The following FSIP2 variants were observed in gnomAD, a reference collection of about 807,000 sequenced individuals.
FSIP2 encodes the protein fibrous sheath-interacting protein 2.
In FSIP2, 367 loss-of-function variants were observed where a neutral mutation model predicts 510.5. The ratio of observed to expected loss-of-function variants is 0.72; its 90% CI spans 0.66 to 0.78. The LOEUF (loss-of-function observed/expected upper bound fraction) is 0.78, where lower values mean the gene tolerates loss of function less well. Ranked by LOEUF, FSIP2 falls within the 30% of genes least tolerant of loss-of-function variation. The pLI is 0.00. For synonymous variants in FSIP2, 2,601 were observed against 2,732.2 expected (o/e 0.95, Z 1.50); for missense variants, 7,594 against 7,901.7 (o/e 0.96, Z 1.48).
In FSIP2 at chr2:185,804,091, T is replaced by C. The variant is rs1574195616; in HGVS notation, c.14785T>C (p.Leu4929=). Reference sequence around the variant, plus strand: ...GGCAGCAGTTGATCAAACTTATAAATTGAAAGCAATAGATCCTAAACAAAG... The same window carrying C: ...GGCAGCAGTTGATCAAACTTATAAACTGAAAGCAATAGATCCTAAACAAAG... ...LLAAVDQTYK[L]KAIDPKQREL... is the part of the protein sequence containing the mutation. The change falls in exon 17 of 23, where the codon TTG becomes CTG. Residue 4929 remains leucine, a synonymous_variant. Transcript: ENST00000424728. 1 of 1,527,770 alleles carries C rather than the reference T, an allele frequency of 6.5e-7. No homozygotes were observed. The highest frequency in any genetic ancestry group is 1.4e-5 in the African/African-American group (1 of 72,704). 94.6% of individuals were successfully genotyped at this position (1,527,770 alleles called of 1,614,324 possible).
chr2:185,804,648 TC>T lies in FSIP2; in HGVS notation c.15343del (p.His5115IlefsTer4). The T allele has an allele frequency of 6.5e-7, 1 of 1,533,136 alleles. No homozygotes were observed. The highest frequency in any genetic ancestry group is 8.7e-7 in the Non-Finnish European group (1 of 1,144,850). The allele number at this position is 1,533,136 out of a possible 1,614,324, so 95.0% of individuals were successfully genotyped here. A position where few individuals can be genotyped will look rare whatever the true frequency, so the allele number is the denominator to read the frequency against. ...ALPPYITVLP[H>X]SLLEDMVYRL... The stretch of plus-strand genomic sequence containing the variant: ...TGCCACCATATATTACTGTGTTGCC[TC>T]ATTCTCTTTTAGAAGATATGGTTTA... On this transcript the variant is annotated frameshift_variant, in exon 17 of 23. Coordinates refer to ENST00000424728, the MANE Select transcript of FSIP2 (RefSeq NM_173651.4). LOFTEE classifies it high-confidence loss of function.
Position 185,808,703 on chromosome 2 carries a change from C to T in FSIP2, c.19397C>T (p.Pro6466Leu). ...SLIIDGVSSF[P>L]LDTINSTISN... ...ATTATTGATGGAGTTTCAAGTTTTC[C>T]ATTAGATACAATTAACTCAACAATT... Residue 6466 changes from proline to leucine, a missense_variant, in exon 17 of 23, where the codon CCA (proline) becomes CTA (leucine). Pro to Leu is a moderately conservative substitution (Grantham distance 98, BLOSUM62 -3). Transcript: ENST00000424728. The T allele has an allele frequency of 6.2e-7, 1 of 1,611,356 alleles. No individual in the cohort carries two copies. Among genetic ancestry groups the T allele is most frequent in the Non-Finnish European group, 8.5e-7 (1 of 1,178,572 alleles).
rs1693094872 is a variant in FSIP2, at chr2:185,790,492, A to C, written c.3356A>C (p.Lys1119Thr). 6.5e-7 allele frequency: 1 copy of C among 1,534,274 alleles called. No homozygotes were observed. Among genetic ancestry groups the C allele is most frequent in the Non-Finnish European group, 8.7e-7 (1 of 1,145,632 alleles). The part of the protein sequence containing the change: ...IVTSILKEML[K>T]DISSVPFGHL... ...ACAAGTATTTTAAAGGAAATGCTCAAGGACATATCTTCCGTTCCTTTTGGT... is the reference window on the plus strand; with the variant it reads ...ACAAGTATTTTAAAGGAAATGCTCACGGACATATCTTCCGTTCCTTTTGGT... The change falls in exon 16 of 23, where the codon AAG becomes ACG. Residue 1119 changes from lysine (K) to threonine (T), a missense_variant. Coordinates refer to ENST00000424728, the MANE Select transcript of FSIP2 (RefSeq NM_173651.4).
chr2:185,747,691 T>A (rs1692060864), intron 7 of FSIP2, among the ~76,000 whole-genome samples: 1 of 152,096 alleles, frequency 6.6e-6, no homozygotes. Context: ...AATGACTGAT[T>A]AACTTTTTTT....
intron 19 of FSIP2, among the ~76,000 whole-genome samples, chr2:185,821,563 A>G (rs1054348130): frequency 6.6e-6 from 1 of 151,928 alleles, no homozygotes; most frequent in Non-Finnish European, 1.5e-5. Flanking sequence ...TCAGTATATT[A>G]AAAGGTTTAT....
At position 185,793,335 on chromosome 2, in the gene FSIP2, G is replaced by C; in HGVS notation, c.6199G>C (p.Asp2067His). The C allele has an allele frequency of 3.9e-6, 6 of 1,534,018 alleles. No homozygotes were observed. Among genetic ancestry groups the C allele is most frequent in the Non-Finnish European group, 4.4e-6 (5 of 1,145,562 alleles). Residue 2067 changes from aspartate to histidine, a missense_variant, in exon 16 of 23, where the codon GAT becomes CAT. Transcript: ENST00000424728. The part of the protein sequence containing the change: ...KNSSDKEIDL[D>H]QQKGVIEKLL... ...CAGTTCTGACAAAGAGATCGATTTA[G>C]ATCAGCAAAAAGGTGTTATTGAAAA...
At chr2:185,809,834 A>C (rs1383027697) in intron 17 of FSIP2, among the ~76,000 whole-genome samples, 1 of 151,960 alleles carries the variant, frequency 6.6e-6, no homozygotes, top group Non-Finnish European at 1.5e-5. Flanking sequence ...CTGTAACCCC[A>C]TACTCAGCTC....
chr2:185,764,815 C>A (rs745956554), intron 13 of FSIP2: 8 of 382,692 alleles, frequency 2.1e-5, no homozygotes, highest in Non-Finnish European at 3.3e-5. Flanking sequence ...AATGCATAGA[C>A]CTATCTAGGG....
At chr2:185,767,371 T>C (rs1274109634) in intron 13 of FSIP2, among the ~76,000 whole-genome samples, 1 of 151,628 alleles carries the variant, frequency 6.6e-6, no homozygotes, top group Non-Finnish European at 1.5e-5. Context: ...CTCTTAGCAG[T>C]TTTTAATGAC....
At chr2:185,753,909 G>A (rs766059210) in intron 8 of FSIP2, 67 bp downstream of exon 8, 40 of 1,091,514 alleles carry the variant, frequency 3.7e-5, no homozygotes, top group Non-Finnish European at 4.3e-5. Flanking sequence ...AAAAATCCTT[G>A]TGTAATACTC....
chr2:185,738,546 AG>A, upstream of FSIP2: 3 of 1,459,720 alleles, frequency 2.1e-6, no homozygotes, highest in Middle Eastern at 3.5e-4. Context: ...CTTGGAAGCC[AG>A]GGGAAATTAA....
In FSIP2 at chr2:185,738,961, G is replaced by A. The variant is rs764175022; in HGVS notation, c.67G>A (p.Val23Ile). ...CGCCGTCACCAAGACGGTCGCCAGC[G>A]TCCTGGCCGCGGACACCCAGCAGTG... The part of the protein sequence containing the change: ...KVAVTKTVAS[V>I]LAADTQQCRD... The change falls in exon 1 of 23, where the codon GTC becomes ATC. Residue 23 changes from valine to isoleucine, a missense_variant. By Grantham distance (29) the Val-to-Ile change is conservative (BLOSUM62 3). Coordinates refer to ENST00000424728, the MANE Select transcript of FSIP2 (RefSeq NM_173651.4). 6 of 1,533,824 alleles carry A rather than the reference G, an allele frequency of 3.9e-6. No individual in the cohort carries two copies. The South Asian group carries it at 7.1e-5, about 18-fold the overall frequency.
intron 17 of FSIP2, among the ~76,000 whole-genome samples, chr2:185,811,407 T>G (rs574229224): frequency 6.7e-6 from 1 of 149,212 alleles, no homozygotes; most frequent in African/African-American, 2.5e-5. Context: ...AGGCAGAGGT[T>G]GCAGTGAGCC....
At chr2:185,759,491 ATAT>A (rs1417460481) in intron 9 of FSIP2, among the ~76,000 whole-genome samples, 4 of 145,224 alleles carry the variant, frequency 2.8e-5, no homozygotes, top group Non-Finnish European at 4.6e-5. Context: ...ACATATATTT[ATAT>A]TATATTATTT....
Position 185,745,455 on chromosome 2 carries a change from C to T in FSIP2, c.504C>T (p.Asn168=). Residue 168 remains asparagine (N), a synonymous_variant, in exon 5 of 23, where the codon AAC becomes AAT. Coordinates refer to ENST00000424728, the MANE Select transcript of FSIP2 (RefSeq NM_173651.4). ...GAATACTTGCAAAACAACTACATAACATACCGGAAAACAATCAAATCCCTC... is the reference window on the plus strand; with the variant it reads ...GAATACTTGCAAAACAACTACATAATATACCGGAAAACAATCAAATCCCTC... The part of the protein sequence containing the change: ...EQRILAKQLH[N]IPENNQIPQH... 5.2e-6 allele frequency: 8 copies of T among 1,533,532 alleles called. No individual in the cohort carries two copies. Among genetic ancestry groups the T allele is most frequent in the Non-Finnish European group, 7.0e-6 (8 of 1,144,874 alleles). The allele number at this position is 1,533,532 out of a possible 1,614,324, so 95.0% of individuals were successfully genotyped here.
Position 185,793,641 on chromosome 2 carries a change from T to C in FSIP2, c.6505T>C (p.Ser2169Pro). ...IVNIVLHNLS[S>P]AATLVINAKN... ...GAATATTGTTCTTCATAATCTCAGT[T>C]CTGCTGCCACGCTTGTCATAAATGC... Residue 2169 changes from serine to proline, a missense_variant, in exon 16 of 23, where the codon TCT becomes CCT. Coordinates refer to ENST00000424728, the MANE Select transcript of FSIP2 (RefSeq NM_173651.4). The C allele has an allele frequency of 6.5e-7, 1 of 1,534,628 alleles. No homozygotes were observed. Among genetic ancestry groups the C allele is most frequent in the Non-Finnish European group, 8.7e-7 (1 of 1,145,756 alleles).
chr2:185,768,918 A>G (rs977420676), intron 13 of FSIP2, among the ~76,000 whole-genome samples: 1 of 152,132 alleles, frequency 6.6e-6, no homozygotes, highest in Non-Finnish European at 1.5e-5. Flanking sequence ...TGCTAAGGAC[A>G]ATGGCCTCCA....
intron 10 of FSIP2, among the ~76,000 whole-genome samples, chr2:185,761,744 T>G (rs1182623900): frequency 2.6e-5 from 4 of 151,238 alleles, no homozygotes; most frequent in Non-Finnish European, 1.5e-5. Context: ...AGAAGTAAGT[T>G]TATACATTGC....
Position 185,805,720 on chromosome 2 carries a change from A to C in FSIP2, c.16414A>C (p.Lys5472Gln), listed in dbSNP as rs1409083928. ...LEINRGTMNR[K>Q]KSFKTKDTSV... ...AATAAATAGAGGTACAATGAATAGA[A>C]AGAAAAGTTTTAAAACCAAGGACAC... The change falls in exon 17 of 23, where the codon AAG becomes CAG. Residue 5472 changes from lysine (K) to glutamine (Q), a missense_variant. Transcript: ENST00000424728. 4.4e-6 allele frequency: 7 copies of C among 1,607,422 alleles called. No homozygotes were observed. Among genetic ancestry groups the C allele is most frequent in the South Asian group, 2.2e-5 (2 of 89,874 alleles).
Sources: allele counts gnomAD v4.1 joint callset (sites outside exome capture counted in the v4.1 genomes callset), GRCh38; gene constraint gnomAD v4.1.1; transcripts MANE v1.5; gene names NCBI Gene and HGNC (gene_info 2026-07-23, HGNC 2026-07-21).